The following RP9 variants were observed in gnomAD, a reference collection of about 807,000 sequenced individuals.
The protein encoded by RP9 is retinitis pigmentosa 9 protein.
A neutral mutation model predicts 32.6 loss-of-function variants in RP9; 23 were observed. The observed-to-expected ratio is 0.71, with a 90% CI of 0.51 to 1.00. RP9 has a LOEUF of 1.00. Ranked by LOEUF, RP9 falls within the 50% of genes least tolerant of loss-of-function variation. RP9 has a pLI of 0.00. For missense variants in RP9, 245 were observed against 285.3 expected, an observed-to-expected ratio of 0.86 and a Z score of 1.02; for synonymous variants, 94 against 103.6, an observed-to-expected ratio of 0.91 and a Z score of 0.56.
chr7:33,105,144 A>G (rs1788480184), intron 1 of RP9, among the ~76,000 whole-genome samples: 2 of 152,180 alleles, frequency 1.3e-5, no homozygotes, highest in Non-Finnish European at 2.9e-5. Flanking sequence ...CTAAAAAGTA[A>G]CCAGTGTACT....
intron 1 of RP9, among the ~76,000 whole-genome samples, chr7:33,102,891 C>T (rs1722818331): frequency 6.6e-6 from 1 of 152,164 alleles, no homozygotes; most frequent in Non-Finnish European, 1.5e-5. Context: ...CCTCAGGGGC[C>T]TGGCAGGCAG....
chr7:33,095,940 C>T (rs1380568605), intron 5 of RP9, among the ~76,000 whole-genome samples: 2 of 151,894 alleles, frequency 1.3e-5, no homozygotes, highest in Non-Finnish European at 2.9e-5. Context: ...CAAGTAGATC[C>T]TCCCACCTCA....
At position 33,095,387 on chromosome 7, in the gene RP9, T is replaced by G; in HGVS notation, c.513A>C (p.Glu171Asp). The G allele has an allele frequency of 6.2e-7, 1 of 1,613,974 alleles. No homozygotes were observed. The highest frequency in any genetic ancestry group is 8.5e-7 in the Non-Finnish European group (1 of 1,179,872). Residue 171 changes from glutamate to aspartate, a missense_variant, in exon 6 of 6, where the codon GAA (glutamate) becomes GAC (aspartate). By Grantham distance (45) the Glu-to-Asp change is conservative. Coordinates refer to ENST00000297157, the MANE Select transcript of RP9 (RefSeq NM_203288.2). ...CAGAGGAACTGGAGCTGCTCCTATC[T>G]TCATCTGAGGTAGAATCCTCCAGTA... ...KQLLEDSTSD[E>D]DRSSSSSSEG...
chr7:33,102,638 A>C (rs1788442250), intron 1 of RP9, among the ~76,000 whole-genome samples: 1 of 152,226 alleles, frequency 6.6e-6, no homozygotes. Context: ...ACAGAGTAAG[A>C]AATCTTTTGT....
chr7:33,105,732 T>A (rs1355376571), intron 1 of RP9, among the ~76,000 whole-genome samples: 1 of 152,168 alleles, frequency 6.6e-6, no homozygotes, highest in Non-Finnish European at 1.5e-5. Context: ...CAGGGCTTGC[T>A]GGATTTTCCC....
At chr7:33,108,160 A>G (rs1483389486) in intron 1 of RP9, among the ~76,000 whole-genome samples, 1 of 152,272 alleles carries the variant, frequency 6.6e-6, no homozygotes, top group Non-Finnish European at 1.5e-5. Context: ...GGCTATACTT[A>G]ACACCTACTT....
rs1454912958 is a variant in RP9, at chr7:33,106,619, G to A, written c.152+2602C>T. ...AGTTAAGAGGTATGTCTAAGATGTTGAATTGATGTAAACAGTATAAATATA... is the reference window on the plus strand; with the variant it reads ...AGTTAAGAGGTATGTCTAAGATGTTAAATTGATGTAAACAGTATAAATATA... On this transcript the variant is annotated intron_variant, in intron 1 of 5. Transcript: ENST00000297157. Among the ~76,000 whole-genome samples, 3 of 152,212 alleles carry A rather than the reference G, an allele frequency of 2.0e-5. No homozygotes were observed. In the East Asian group the frequency reaches 5.8e-4, roughly 29 times the overall value.
chr7:33,099,559 C>T (rs1406151638), intron 2 of RP9, 123 bp from the exon 3 acceptor site: 2 of 1,010,032 alleles, frequency 2.0e-6, no homozygotes, highest in East Asian at 2.4e-5. Flanking sequence ...CTTAGTTACC[C>T]CTCAAAACTA....
rs766784838 is a variant in RP9, at chr7:33,105,942, T to C, written c.152+3279A>G. ...TGACCTATTTTTTGTTATAGGAGTATCTGCTGTGACTCCTATGATAGGTAA... is the reference window on the plus strand; with the variant it reads ...TGACCTATTTTTTGTTATAGGAGTACCTGCTGTGACTCCTATGATAGGTAA... On this transcript the variant is annotated intron_variant, in intron 1 of 5. Coordinates refer to ENST00000297157, the MANE Select transcript of RP9 (RefSeq NM_203288.2). 6.4e-4 allele frequency among the ~76,000 whole-genome samples: 98 copies of C among 152,338 alleles called. No homozygotes were observed. The Middle Eastern group carries it at 0.017, about 26-fold the overall frequency.
chr7:33,105,115 G>A (rs1050052385), intron 1 of RP9, among the ~76,000 whole-genome samples: 1 of 152,126 alleles, frequency 6.6e-6, no homozygotes, highest in Admixed American at 6.5e-5. Flanking sequence ...GATGCCCTAG[G>A]ACCACTGCTG....
Position 33,094,979 on chromosome 7 carries a change from C to T in RP9, c.*255G>A, listed in dbSNP as rs546943454. On this transcript the variant is annotated 3_prime_UTR_variant, in exon 6 of 6. Coordinates refer to ENST00000297157, the MANE Select transcript of RP9 (RefSeq NM_203288.2). ...AGACACTTCAAAGGAATCGTAAACT[C>T]ATGTGACCAGCAGGGAGGACAACGA... The T allele has an allele frequency of 1.1e-5, 6 of 532,382 alleles. No homozygotes were observed. In the East Asian group the frequency reaches 1.7e-4, roughly 15 times the overall value. The allele number at this position is 532,382 out of a possible 1,614,324, so 33.0% of individuals were successfully genotyped here.
rs545167038 is a variant in RP9 at position 33,098,795 on chromosome 7, T to A, written c.313+512A>T. Among the ~76,000 whole-genome samples, 9 of 152,282 alleles carry A rather than the reference T, an allele frequency of 5.9e-5. No individual in the cohort carries two copies. In the East Asian group the frequency reaches 1.7e-3, roughly 29 times the overall value. ...TCTGTTAAAGACGATTCCAGAAAAG[T>A]AAAGGTCTTAACATTTTTATCTTCT... On this transcript the variant is annotated intron_variant, in intron 3 of 5. Coordinates refer to ENST00000297157, the MANE Select transcript of RP9 (RefSeq NM_203288.2).
chr7:33,108,928 T>C (rs1314370983), intron 1 of RP9, among the ~76,000 whole-genome samples: 1 of 152,256 alleles, frequency 6.6e-6, no homozygotes. Flanking sequence ...CCGGGTCATT[T>C]GGACTCTCCT....
At position 33,109,238 on chromosome 7, in the gene RP9, G is replaced by GAGCTGCTGC. The variant is rs1279778730; in HGVS notation, c.126_134dup (p.Gln43_Leu45dup). Reference sequence around the variant, plus strand: ...GGACTCACAAGGACTCCAGGTGCTTGAGCTGCTGCAGCTGCTGCGCGTCGT... The same window carrying GAGCTGCTGC: ...GGACTCACAAGGACTCCAGGTGCTTGAGCTGCTGCAGCTGCTGCAGCTGCTGCGCGTCGT... On this transcript the variant is annotated inframe_insertion, in exon 1 of 6. Transcript: ENST00000297157. This position sits in a 1 kb window ranked among gnomAD's most constrained non-coding sequence, Gnocchi z 4.9. 13 of 1,497,562 alleles carry GAGCTGCTGC rather than the reference G, an allele frequency of 8.7e-6. No individual in the cohort carries two copies. The highest frequency in any genetic ancestry group is 2.9e-5 in the African/African-American group (2 of 68,466). The allele number at this position is 1,497,562 out of a possible 1,614,324, so 92.8% of individuals were successfully genotyped here.
intron 3 of RP9, 33 bp downstream of exon 3, chr7:33,099,274 T>C (rs748045638): frequency 1.9e-6 from 3 of 1,611,188 alleles, no homozygotes; most frequent in South Asian, 2.2e-5. Flanking sequence ...GGCATGTAAG[T>C]TGCATGGATT....
chr7:33,108,183 T>C (rs1788525769), intron 1 of RP9, among the ~76,000 whole-genome samples: 1 of 152,250 alleles, frequency 6.6e-6, no homozygotes, highest in Admixed American at 6.5e-5. Flanking sequence ...CACAGGTAAC[T>C]AGAAGTGGCT....
chr7:33,096,423 AG>A, intron 5 of RP9, 69 bp downstream of exon 5: 2 of 1,035,600 alleles, frequency 1.9e-6, no homozygotes, highest in South Asian at 2.5e-5. Flanking sequence ...CTAACACTAG[AG>A]TGGTTTTCTC....
At chr7:33,097,867 G>A (rs1788363986) in intron 3 of RP9, among the ~76,000 whole-genome samples, 1 of 152,004 alleles carries the variant, frequency 6.6e-6, no homozygotes. Flanking sequence ...TGATCCGCCC[G>A]CCTCAGCCTC....
intron 1 of RP9, among the ~76,000 whole-genome samples, chr7:33,103,777 G>A (rs2128033293): frequency 6.6e-6 from 1 of 152,248 alleles, no homozygotes; most frequent in Middle Eastern, 3.4e-3. Context: ...TTATAATCGT[G>A]CCACTGTGCT....
Sources: allele counts gnomAD v4.1 joint callset (sites outside exome capture counted in the v4.1 genomes callset), GRCh38; gene constraint gnomAD v4.1.1; non-coding constraint Gnocchi (gnomAD v3.1); transcripts MANE v1.5; gene names NCBI Gene and HGNC (gene_info 2026-07-23, HGNC 2026-07-21).